MAF: variants seen among roughly 807,000 people sequenced by gnomAD.
The protein encoded by MAF is transcription factor Maf.
MAF carries 10 observed loss-of-function variants against 22.0 expected under a neutral mutation model. That is an observed-to-expected ratio of 0.45 (90% confidence interval 0.28 to 0.77). The LOEUF (loss-of-function observed/expected upper bound fraction) is 0.77. Ranked by LOEUF, MAF falls within the 30% of genes least tolerant of loss-of-function variation. The probability of loss-of-function intolerance (pLI) is 0.12; values close to 1 mark genes in which losing one functional copy is unlikely to be tolerated. For synonymous variants in MAF, 337 were observed against 255.8 expected (o/e 1.32, Z -3.03); for missense variants, 544 against 548.4 (o/e 0.99, Z 0.08).
the MAF span, chr16:79,211,920 G>C: frequency 2.0e-4 from 315 of 1,543,480 alleles, 1 homozygote; most frequent in Admixed American, 9.2e-4. Context: ...GGAAATAAGA[G>C]CAGTCACAAC....
At chr16:79,591,473 A>G (rs564427741), downstream of MAF, among the ~76,000 whole-genome samples, 3 of 152,336 alleles carry the variant, frequency 2.0e-5, no homozygotes, top group African/African-American at 7.2e-5. Context: ...AGTTCTAATT[A>G]TAGGGAAAAC....
At chr16:79,369,718 G>A in the MAF span, among the ~76,000 whole-genome samples, 1 of 152,282 alleles carries the variant, frequency 6.6e-6, no homozygotes, top group South Asian at 2.1e-4. Context: ...AGGGCCAGAG[G>A]GCAATCTTAC....
chr16:79,520,795 A>G, the MAF span, among the ~76,000 whole-genome samples: 4 of 152,146 alleles, frequency 2.6e-5, no homozygotes, highest in African/African-American at 7.2e-5. Flanking sequence ...AGGGCACCCA[A>G]CTGCTGGGAA....
the MAF span, among the ~76,000 whole-genome samples, chr16:79,481,725 T>C: frequency 6.6e-6 from 1 of 152,142 alleles, no homozygotes; most frequent in African/African-American, 2.4e-5. Context: ...TCCATCCATC[T>C]ATACATCCAT....
chr16:79,333,453 C>T, the MAF span, among the ~76,000 whole-genome samples: 2 of 152,242 alleles, frequency 1.3e-5, no homozygotes, highest in African/African-American at 4.8e-5. Flanking sequence ...AACGATACGA[C>T]GGACCATGTC....
the MAF span, among the ~76,000 whole-genome samples, chr16:79,490,376 T>A: frequency 6.6e-6 from 1 of 152,182 alleles, no homozygotes; most frequent in Non-Finnish European, 1.5e-5. Flanking sequence ...CCAAGACCTG[T>A]GTGGGCTGGG....
chr16:79,413,346 C>G, the MAF span, among the ~76,000 whole-genome samples: 2 of 145,894 alleles, frequency 1.4e-5, no homozygotes, highest in Non-Finnish European at 3.0e-5. Context: ...GGGTTCACGC[C>G]ATTCTCCTGC....
At chr16:79,563,339 T>C in the MAF span, among the ~76,000 whole-genome samples, 1 of 152,366 alleles carries the variant, frequency 6.6e-6, no homozygotes, top group South Asian at 2.1e-4. Context: ...TAATTTTGTT[T>C]GACTCTAACT....
chr16:79,275,752 G>C, the MAF span, among the ~76,000 whole-genome samples: 1 of 152,152 alleles, frequency 6.6e-6, no homozygotes, highest in South Asian at 2.1e-4. Flanking sequence ...TTTTTGTTGA[G>C]GGGAAAGGCA....
chr16:79,248,052 T>A, the MAF span, among the ~76,000 whole-genome samples: 1 of 152,204 alleles, frequency 6.6e-6, no homozygotes, highest in Non-Finnish European at 1.5e-5. Context: ...GTCTTTTTAT[T>A]TGTCCTTAAT....
At chr16:79,493,634 C>CA in the MAF span, among the ~76,000 whole-genome samples, 5 of 152,172 alleles carry the variant, frequency 3.3e-5, no homozygotes, top group Non-Finnish European at 5.9e-5. Flanking sequence ...GAAGTTTTCA[C>CA]AAAATGAAAA....
the MAF span, among the ~76,000 whole-genome samples, chr16:79,322,314 C>G: frequency 6.6e-6 from 1 of 152,142 alleles, no homozygotes; most frequent in African/African-American, 2.4e-5. Flanking sequence ...TATCGGCACT[C>G]AGGGGGTCAC....
At chr16:79,540,853 G>GT in the MAF span, among the ~76,000 whole-genome samples, 544 of 152,032 alleles carry the variant, frequency 3.6e-3, 5 homozygotes, top group African/African-American at 0.013. Flanking sequence ...AAAATTTAGC[G>GT]GCATCTGCAG....
the MAF span, among the ~76,000 whole-genome samples, chr16:79,347,480 G>C: frequency 1.1e-4 from 17 of 152,326 alleles, 1 homozygote; most frequent in Admixed American, 1.1e-3. Flanking sequence ...GTTTTAATGG[G>C]CATCTGCGAC....
the MAF span, among the ~76,000 whole-genome samples, chr16:79,226,382 G>C: frequency 1.1e-4 from 17 of 152,214 alleles, no homozygotes; most frequent in East Asian, 3.3e-3. Context: ...CTGTCAGGGG[G>C]TGGGGTGTTA....
chr16:79,446,522 C>G, the MAF span, among the ~76,000 whole-genome samples: 1 of 152,116 alleles, frequency 6.6e-6, no homozygotes, highest in Non-Finnish European at 1.5e-5. Flanking sequence ...GTTATGATCA[C>G]TAAAAAGATA....
chr16:79,517,005 T>G, the MAF span, among the ~76,000 whole-genome samples: 1 of 152,234 alleles, frequency 6.6e-6, no homozygotes, highest in Admixed American at 6.5e-5. Context: ...CTAGGATCTG[T>G]GAATGGAACC....
the MAF span, among the ~76,000 whole-genome samples, chr16:79,304,270 C>A: frequency 1.3e-5 from 2 of 152,184 alleles, no homozygotes; most frequent in Admixed American, 6.5e-5. Flanking sequence ...CTCCCTCCCC[C>A]TTTCCAGGCA....
chr16:79,468,343 G>T, the MAF span, among the ~76,000 whole-genome samples: 4 of 152,190 alleles, frequency 2.6e-5, no homozygotes, highest in African/African-American at 9.6e-5. Context: ...CCCTGCCTGT[G>T]TCCAGCCCTC....
Sources: gnomAD v4.1 joint callset for allele counts (sites outside exome capture counted in the v4.1 genomes callset) on GRCh38, gnomAD v4.1.1 for gene constraint, MANE v1.5 for transcripts, NCBI Gene and HGNC (gene_info 2026-07-23, HGNC 2026-07-21) for gene names.